The following KCNJ6 variants were observed in gnomAD, a reference collection of about 807,000 sequenced individuals.
KCNJ6 encodes the protein G protein-activated inward rectifier potassium channel 2.
In KCNJ6, 9 loss-of-function variants were observed where a neutral mutation model predicts 34.2. That is an observed-to-expected ratio of 0.26 (90% CI 0.16 to 0.46). The LOEUF is 0.46. KCNJ6 is among the 20% of genes least tolerant of loss of function. KCNJ6 has a pLI of 1.00. For missense variants in KCNJ6, 236 were observed against 531.3 expected, an observed-to-expected ratio of 0.44 and a Z score of 5.46; for synonymous variants, 196 against 207.1, an observed-to-expected ratio of 0.95 and a Z score of 0.46.
chr21:37,705,241 AG>A (rs2054713559), intron 3 of KCNJ6, among the ~76,000 whole-genome samples: 1 of 152,148 alleles, frequency 6.6e-6, no homozygotes, highest in Non-Finnish European at 1.5e-5. Flanking sequence ...GCTCCTCTAG[AG>A]GGGCACTGGA....
At chr21:37,871,186 T>C (rs2055650279) in intron 1 of KCNJ6, among the ~76,000 whole-genome samples, 1 of 152,160 alleles carries the variant, frequency 6.6e-6, no homozygotes, top group African/African-American at 2.4e-5. Flanking sequence ...GACAGGATAG[T>C]TGGATTGGGC....
chr21:37,645,510 G>A (rs2123381470), intron 3 of KCNJ6, among the ~76,000 whole-genome samples: 1 of 152,290 alleles, frequency 6.6e-6, no homozygotes. Context: ...TCTAATGAAG[G>A]CAGTCTTAAA....
At chr21:37,710,692 C>A (rs2054747055) in intron 3 of KCNJ6, among the ~76,000 whole-genome samples, 1 of 152,164 alleles carries the variant, frequency 6.6e-6, no homozygotes, top group Admixed American at 6.5e-5. Context: ...TGCCTCGAGG[C>A]CCATTTGCCC....
intron 2 of KCNJ6, among the ~76,000 whole-genome samples, chr21:37,769,512 C>T (rs186732835): frequency 6.6e-6 from 1 of 151,124 alleles, no homozygotes; most frequent in East Asian, 1.9e-4. Context: ...AAAAGCTAAG[C>T]CACTCTGGAT....
chr21:37,852,344 T>C (rs963589206), intron 1 of KCNJ6, among the ~76,000 whole-genome samples: 1 of 152,184 alleles, frequency 6.6e-6, no homozygotes, highest in Non-Finnish European at 1.5e-5. Flanking sequence ...GGAGGGCCAG[T>C]ATAGAGTCAG....
At chr21:37,761,065 G>A (rs1034086745) in intron 2 of KCNJ6, among the ~76,000 whole-genome samples, 2 of 152,182 alleles carry the variant, frequency 1.3e-5, no homozygotes, top group Non-Finnish European at 2.9e-5. Flanking sequence ...AGCCTTGCCA[G>A]GGGACGCCCC....
At chr21:37,762,888 C>T (rs1038761164) in intron 2 of KCNJ6, among the ~76,000 whole-genome samples, 8 of 152,184 alleles carry the variant, frequency 5.3e-5, no homozygotes, top group African/African-American at 1.4e-4. Flanking sequence ...CCCAGCTGTT[C>T]CTAATGGGCA....
chr21:37,697,695 G>T (rs2054669919), intron 3 of KCNJ6, among the ~76,000 whole-genome samples: 1 of 152,194 alleles, frequency 6.6e-6, no homozygotes, highest in South Asian at 2.1e-4. Flanking sequence ...TAGTTGATCT[G>T]TGTGATTGGA....
At chr21:37,744,219 G>A (rs1404292145) in intron 2 of KCNJ6, among the ~76,000 whole-genome samples, 1 of 150,950 alleles carries the variant, frequency 6.6e-6, no homozygotes, top group African/African-American at 2.4e-5. Flanking sequence ...GCTAAATGAC[G>A]AGTTAATGGG....
At chr21:37,884,473 C>T (rs16995612) in intron 1 of KCNJ6, among the ~76,000 whole-genome samples, 2,841 of 152,160 alleles carry the variant, frequency 0.019, 99 homozygotes, top group African/African-American at 0.064. Context: ...TCTCTCTGCC[C>T]GCATCTGTAG....
At chr21:37,722,456 A>G (rs7282207) in intron 2 of KCNJ6, among the ~76,000 whole-genome samples, 11,091 of 152,288 alleles carry the variant, frequency 0.073, 842 homozygotes, top group African/African-American at 0.19. Context: ...ATTCATATGG[A>G]ACCAAAAAAC....
At chr21:37,676,344 C>T (rs990400014) in intron 3 of KCNJ6, among the ~76,000 whole-genome samples, 1 of 152,206 alleles carries the variant, frequency 6.6e-6, no homozygotes, top group Admixed American at 6.5e-5. Flanking sequence ...GCCAGGTAGG[C>T]CCTAAGCTCC....
At position 37,614,764 on chromosome 21, in the gene KCNJ6, A is replaced by G. The variant is rs1309722671; in HGVS notation, c.*10395T>C. 2 of 144,850 alleles carry G rather than the reference A, an allele frequency of 1.4e-5. 1 individual carries two copies. Among genetic ancestry groups the G allele is most frequent in the Non-Finnish European group, 3.0e-5 (2 of 65,856 alleles). 9.0% of individuals were successfully genotyped at this position (144,850 alleles called of 1,614,324 possible). The stretch of plus-strand genomic sequence containing the variant: ...CATGTCTCTGTATGTGTGTGTATGC[A>G]TGTGTCTGTGTGTATGTGTGTGTGT... On this transcript the variant is annotated 3_prime_UTR_variant, in exon 4 of 4. Coordinates refer to ENST00000609713, the MANE Select transcript of KCNJ6 (RefSeq NM_002240.5).
At chr21:37,698,042 G>T (rs147812045) in intron 3 of KCNJ6, among the ~76,000 whole-genome samples, 1 of 152,302 alleles carries the variant, frequency 6.6e-6, no homozygotes, top group East Asian at 1.9e-4. Flanking sequence ...GGAAATGGGG[G>T]CATTGGTGCA....
At chr21:37,893,272 A>G (rs1270840572) in intron 1 of KCNJ6, among the ~76,000 whole-genome samples, 2 of 151,686 alleles carry the variant, frequency 1.3e-5, no homozygotes, top group Non-Finnish European at 2.9e-5. Context: ...CAGTGGTGTG[A>G]TCGCGGATCA....
chr21:37,849,874 G>C (rs897741386), intron 1 of KCNJ6, among the ~76,000 whole-genome samples: 11 of 152,132 alleles, frequency 7.2e-5, no homozygotes, highest in African/African-American at 2.7e-4. Context: ...ACAACTCCAG[G>C]AGCAACTGAA....
At chr21:37,838,378 A>C (rs2055462451) in intron 2 of KCNJ6, among the ~76,000 whole-genome samples, 1 of 152,240 alleles carries the variant, frequency 6.6e-6, no homozygotes, top group Admixed American at 6.5e-5. Flanking sequence ...GTGAGTTAAA[A>C]ATAATATTCA....
intron 1 of KCNJ6, among the ~76,000 whole-genome samples, chr21:37,867,721 T>C (rs972548867): frequency 6.6e-6 from 1 of 152,052 alleles, no homozygotes; most frequent in Admixed American, 6.6e-5. Context: ...TGAAAAACCA[T>C]ATGATAAAAA....
chr21:37,794,580 GTAA>G (rs943404862), intron 2 of KCNJ6, among the ~76,000 whole-genome samples: 6 of 152,162 alleles, frequency 3.9e-5, no homozygotes, highest in African/African-American at 1.4e-4. Flanking sequence ...TAGCTGCTGT[GTAA>G]TAACCTTTTA....
Sources: allele counts gnomAD v4.1 joint callset (sites outside exome capture counted in the v4.1 genomes callset), GRCh38; gene constraint gnomAD v4.1.1; transcripts MANE v1.5; gene names NCBI Gene and HGNC (gene_info 2026-07-23, HGNC 2026-07-21).